KCNQ4: variants seen among roughly 807,000 people sequenced by gnomAD.
KCNQ4 encodes potassium voltage-gated channel subfamily KQT member 4.
In KCNQ4, 31 loss-of-function variants were observed where a neutral mutation model predicts 72.6. The observed-to-expected ratio is 0.43, with a 90% CI of 0.32 to 0.58. The LOEUF is 0.58. KCNQ4 is among the 20% of genes least tolerant of loss of function. The pLI, the probability that KCNQ4 is intolerant of heterozygous loss-of-function variation, is 0.08. For missense variants in KCNQ4, 869 were observed against 962.6 expected (o/e 0.90, Z 1.29); for synonymous variants, 405 against 403.7 (o/e 1.00, Z -0.04).
Position 40,817,497 on chromosome 1 carries a change from C to A in KCNQ4, c.405+142C>A. Reference sequence around the variant, plus strand: ...TGAAGGGGGCTGTGTGAGGTAGCACCTCTGGGCTGGGAGTCCGGGACTGAG... The same window carrying A: ...TGAAGGGGGCTGTGTGAGGTAGCACATCTGGGCTGGGAGTCCGGGACTGAG... On this transcript the variant is annotated intron_variant, in intron 2 of 13. Coordinates refer to ENST00000347132, the MANE Select transcript of KCNQ4 (RefSeq NM_004700.4). The surrounding 1 kb of genome is among the most constrained non-coding windows in gnomAD (Gnocchi z 5.5). The A allele has an allele frequency of 1.6e-6, 1 of 606,804 alleles. No homozygotes were observed. The highest frequency in any genetic ancestry group is 2.9e-6 in the Non-Finnish European group (1 of 346,124). The allele number at this position is 606,804 out of a possible 1,614,324, so 37.6% of individuals were successfully genotyped here. A position where few individuals can be genotyped will look rare whatever the true frequency, so the allele number is the denominator to read the frequency against.
rs1570802346 is a variant in KCNQ4 at position 40,794,087 on chromosome 1, C to T, written c.314+9680C>T. Among the ~76,000 whole-genome samples, 1 of 152,280 alleles carries T rather than the reference C, an allele frequency of 6.6e-6. No individual in the cohort carries two copies. The highest frequency in any genetic ancestry group is 1.5e-5 in the Non-Finnish European group (1 of 68,014). ...ACTAGAGAGAAGTGGAGAAAAGACC[C>T]CTCAGCCCTCTGTGTGGAGCACTGA... On this transcript the variant is annotated intron_variant, in intron 1 of 13. Transcript: ENST00000347132. This position sits in a 1 kb window ranked among gnomAD's most constrained non-coding sequence, Gnocchi z 4.2.
chr1:40,799,685 C>T (rs1647522756), intron 1 of KCNQ4, among the ~76,000 whole-genome samples: 1 of 152,130 alleles, frequency 6.6e-6, no homozygotes, highest in Non-Finnish European at 1.5e-5. Context: ...CATTGGAGGC[C>T]CTAGGTCTTA....
intron 1 of KCNQ4, among the ~76,000 whole-genome samples, chr1:40,805,783 C>G (rs1320054629): frequency 6.6e-6 from 1 of 152,084 alleles, no homozygotes; most frequent in Non-Finnish European, 1.5e-5. Flanking sequence ...TGGGCCTGGG[C>G]CCACAACTCA....
intron 7 of KCNQ4, among the ~76,000 whole-genome samples, chr1:40,820,723 G>T (rs1395159534): frequency 6.6e-6 from 1 of 152,228 alleles, no homozygotes; most frequent in Admixed American, 6.5e-5. Flanking sequence ...ACATTTAGCA[G>T]GTGGGTGGGC....
rs1431085697 is a variant in KCNQ4 at position 40,784,386 on chromosome 1, C to T, written c.293C>T (p.Ala98Val). 1 of 1,609,622 alleles carries T rather than the reference C, an allele frequency of 6.2e-7. No homozygotes were observed. Residue 98 changes from alanine to valine, a missense_variant, in exon 1 of 14, where the codon GCC becomes GTC. By Grantham distance (64) the Ala-to-Val change is moderately conservative. This residue lies in a region of KCNQ4 where 178 missense variants were observed against 145.3 expected (regional missense o/e 1.22). Coordinates refer to ENST00000347132, the MANE Select transcript of KCNQ4 (RefSeq NM_004700.4). The surrounding 1 kb of genome is among the most constrained non-coding windows in gnomAD (Gnocchi z 4.1). ...GTGCTGGAGCGGCCCCGCGGCTGGG[C>T]CTTCGTCTACCACGTCTTCATGTGA... ...YNVLERPRGWAFVYHVFIFLL... is the reference protein window; with the variant it reads ...YNVLERPRGWVFVYHVFIFLL...
At chr1:40,834,609 A>G (rs1162597429) in intron 11 of KCNQ4, among the ~76,000 whole-genome samples, 3 of 151,616 alleles carry the variant, frequency 2.0e-5, no homozygotes, top group African/African-American at 7.3e-5. Context: ...AAAAAAAAAA[A>G]ACAGAGTTAT....
chr1:40,789,277 C>T (rs1272784039), intron 1 of KCNQ4, among the ~76,000 whole-genome samples: 2 of 152,134 alleles, frequency 1.3e-5, no homozygotes, highest in Non-Finnish European at 2.9e-5. Context: ...GGGGCAGCTA[C>T]TCATCCAAGG....
chr1:40,802,874 G>A (rs1182880683), intron 1 of KCNQ4, among the ~76,000 whole-genome samples: 1 of 152,214 alleles, frequency 6.6e-6, no homozygotes, highest in Non-Finnish European at 1.5e-5. Context: ...AGTCCTGAGA[G>A]GGACAGTTAA....
chr1:40,818,460 G>A (rs1648167565), intron 3 of KCNQ4, 45 bp from the exon 4 acceptor site: 3 of 1,596,678 alleles, frequency 1.9e-6, no homozygotes, highest in Non-Finnish European at 2.5e-6. Context: ...CCGGGTCCGT[G>A]CGCGGGGTAG....
chr1:40,793,809 A>G (rs994131313), intron 1 of KCNQ4, among the ~76,000 whole-genome samples: 1 of 151,226 alleles, frequency 6.6e-6, no homozygotes, highest in Non-Finnish European at 1.5e-5. Flanking sequence ...TCATCCTTCA[A>G]CTCCCAGTTT....
rs1458891751 is a variant in KCNQ4 at position 40,838,732 on chromosome 1, C to A, written c.*209C>A. 1 of 619,644 alleles carries A rather than the reference C, an allele frequency of 1.6e-6. No individual in the cohort carries two copies. The highest frequency in any genetic ancestry group is 2.9e-6 in the Non-Finnish European group (1 of 345,632). The allele number at this position is 619,644 out of a possible 1,614,324, so 38.4% of individuals were successfully genotyped here. On this transcript the variant is annotated 3_prime_UTR_variant, in exon 14 of 14. Transcript: ENST00000347132. ...ACCTCAGGAGCGTGAGATGCCAGGT[C>A]GCACAGAGGGCAGCAGCAGCGGCCG...
chr1:40,837,385 G>T (rs761936480), intron 12 of KCNQ4, among the ~76,000 whole-genome samples: 1 of 152,206 alleles, frequency 6.6e-6, no homozygotes. Context: ...GCGCCACTGC[G>T]CTGGGCCTCC....
chr1:40,827,562 G>A (rs1648518255), intron 9 of KCNQ4, among the ~76,000 whole-genome samples: 2 of 152,222 alleles, frequency 1.3e-5, no homozygotes, highest in Non-Finnish European at 2.9e-5. Flanking sequence ...CTGTTGGCAT[G>A]CTTGGCAGCC....
intron 1 of KCNQ4, among the ~76,000 whole-genome samples, chr1:40,803,377 G>T: frequency 6.6e-6 from 1 of 152,178 alleles, no homozygotes; most frequent in Non-Finnish European, 1.5e-5. Flanking sequence ...TGGTGGCGGA[G>T]TCAGGAGACA....
At position 40,822,341 on chromosome 1, in the gene KCNQ4, A is replaced by C; in HGVS notation, c.1069A>C (p.Met357Leu). The C allele has an allele frequency of 6.4e-7, 1 of 1,561,626 alleles. No individual in the cohort carries two copies. Among genetic ancestry groups the C allele is most frequent in the Non-Finnish European group, 8.7e-7 (1 of 1,147,832 alleles). Residue 357 changes from methionine (M) to leucine (L), a missense_variant, in exon 8 of 14, where the codon ATG (methionine) becomes CTG (leucine). Physicochemically the swap from Met to Leu is conservative, Grantham distance 15 (BLOSUM62 2). This residue lies in a region of KCNQ4 where 480 missense variants were observed against 501.9 expected (regional missense o/e 0.96). Transcript: ENST00000347132. ...TGCCTGGCGCCTGTACTCCACCGAT[A>C]TGAGCCGGGCCTACCTGACAGCCAC... The part of the protein sequence containing the change: ...QAAWRLYSTD[M>L]SRAYLTATWY...
At chr1:40,793,004 C>CTTTCT (rs1422137047) in intron 1 of KCNQ4, among the ~76,000 whole-genome samples, 3 of 109,076 alleles carry the variant, frequency 2.8e-5, no homozygotes, top group African/African-American at 7.5e-5. Context: ...TTCTTTCTTT[C>CTTTCT]TTTTTTTTTT....
At chr1:40,814,134 A>G (rs888183218) in intron 1 of KCNQ4, among the ~76,000 whole-genome samples, 9 of 138,000 alleles carry the variant, frequency 6.5e-5, no homozygotes, top group African/African-American at 2.5e-4. Flanking sequence ...GCTCACTGCA[A>G]CCTCCGCCTC....
At chr1:40,833,209 G>A in intron 11 of KCNQ4, 96 bp downstream of exon 11, 2 of 849,376 alleles carry the variant, frequency 2.4e-6, no homozygotes, top group Admixed American at 2.0e-5. Context: ...AGGAGTTTGA[G>A]ACCAGCCTGG....
At chr1:40,834,787 C>T (rs1453798897) in intron 11 of KCNQ4, among the ~76,000 whole-genome samples, 180 bp from the exon 12 acceptor site, 1 of 152,028 alleles carries the variant, frequency 6.6e-6, no homozygotes, top group East Asian at 1.9e-4. Context: ...CTTTCCATCT[C>T]ATCCCTGTTT....
Sources: gnomAD v4.1 joint callset for allele counts (sites outside exome capture counted in the v4.1 genomes callset) on GRCh38, gnomAD v4.1.1 for gene constraint, gnomAD v4.1.1 regional missense constraint, Gnocchi (gnomAD v3.1) non-coding constraint, MANE v1.5 for transcripts, NCBI Gene and HGNC (gene_info 2026-07-23, HGNC 2026-07-21) for gene names.